UNC80: variants seen among roughly 807,000 people sequenced by gnomAD.
The protein encoded by UNC80 is protein unc-80 homolog.
UNC80 carries 164 observed loss-of-function variants against 384.6 expected under a neutral mutation model. That is an observed-to-expected ratio of 0.43 (90% CI 0.38 to 0.49). The LOEUF is 0.49. UNC80 is among the 20% of genes least tolerant of loss of function. The pLI, the probability that UNC80 is intolerant of heterozygous loss-of-function variation, is 0.00. For synonymous variants in UNC80, 1,486 were observed against 1,527.8 expected (o/e 0.97, Z 0.64); for missense variants, 3,330 against 4,143.0 (o/e 0.80, Z 5.39).
chr2:209,890,852 A>G (rs2086262099), intron 26 of UNC80, among the ~76,000 whole-genome samples: 2 of 152,256 alleles, frequency 1.3e-5, no homozygotes, highest in Admixed American at 6.5e-5. Flanking sequence ...TAGAATCCAC[A>G]TAGAAAATCC....
intron 18 of UNC80, among the ~76,000 whole-genome samples, chr2:209,837,734 TA>T (rs2081424454): frequency 6.6e-6 from 1 of 151,886 alleles, no homozygotes; most frequent in Non-Finnish European, 1.5e-5. Context: ...AGTTGACCAA[TA>T]AAAACTCAGT....
In UNC80 at chr2:209,888,270, C is replaced by A; in HGVS notation, c.4276+10C>A. Reference sequence around the variant, plus strand: ...GTCGAGGAGAAGAAAGGTATGGAAACACAAAGGTTCCTTCATGTTTCAGGG... The same window carrying A: ...GTCGAGGAGAAGAAAGGTATGGAAAAACAAAGGTTCCTTCATGTTTCAGGG... On this transcript the variant is annotated intron_variant, in intron 26 of 64. Transcript: ENST00000673920. The A allele has an allele frequency of 6.4e-7, 1 of 1,551,304 alleles. No homozygotes were observed. The highest frequency in any genetic ancestry group is 1.2e-5 in the South Asian group (1 of 84,034).
chr2:209,893,360 A>G (rs2086525868), intron 26 of UNC80, among the ~76,000 whole-genome samples: 1 of 152,240 alleles, frequency 6.6e-6, no homozygotes, highest in African/African-American at 2.4e-5. Flanking sequence ...GTATATGACT[A>G]TGGAAAATAA....
At chr2:209,947,416 T>C (rs1298870620) in intron 47 of UNC80, among the ~76,000 whole-genome samples, 1 of 152,222 alleles carries the variant, frequency 6.6e-6, no homozygotes, top group Admixed American at 6.5e-5. Flanking sequence ...AAATTTCCAT[T>C]GAGTCATAAA....
intron 36 of UNC80, among the ~76,000 whole-genome samples, chr2:209,927,206 G>C (rs764391594): frequency 6.6e-6 from 1 of 152,094 alleles, no homozygotes; most frequent in Non-Finnish European, 1.5e-5. Context: ...ATTTAAAATA[G>C]GTAATTGGGT....
chr2:209,919,087 T>C (rs1177883127), intron 33 of UNC80, among the ~76,000 whole-genome samples: 1 of 152,222 alleles, frequency 6.6e-6, no homozygotes, highest in Non-Finnish European at 1.5e-5. Flanking sequence ...TTCATTTTGT[T>C]GATTATCAGT....
At chr2:209,853,309 A>G (rs947581792) in intron 22 of UNC80, among the ~76,000 whole-genome samples, 1 of 152,122 alleles carries the variant, frequency 6.6e-6, no homozygotes, top group African/African-American at 2.4e-5. Flanking sequence ...ATGTCCTTAA[A>G]AATAGAATTT....
chr2:209,921,942 T>C (rs1174190296), intron 34 of UNC80, among the ~76,000 whole-genome samples: 1 of 152,184 alleles, frequency 6.6e-6, no homozygotes, highest in Non-Finnish European at 1.5e-5. Flanking sequence ...TTAAAGTAAA[T>C]GCAACCAATC....
chr2:209,872,302 T>C lies in UNC80; in HGVS notation c.3628-456T>C, dbSNP rs773722085. On this transcript the variant is annotated intron_variant, in intron 22 of 64. Coordinates refer to ENST00000673920, the MANE Select transcript of UNC80 (RefSeq NM_001371986.1). The surrounding 1 kb of genome is among the most constrained non-coding windows in gnomAD (Gnocchi z 4.1). ...GTTATAGACAAAAGACTATTGCTGGTACAAAATTACTTCTGACGCTCTTGG... is the reference window on the plus strand; with the variant it reads ...GTTATAGACAAAAGACTATTGCTGGCACAAAATTACTTCTGACGCTCTTGG... Among the ~76,000 whole-genome samples the C allele has an allele frequency of 6.6e-6, 1 of 152,200 alleles. No individual in the cohort carries two copies. Among genetic ancestry groups the C allele is most frequent in the Admixed American group, 6.5e-5 (1 of 15,276 alleles).
chr2:209,902,360 C>T (rs886871881), intron 28 of UNC80, among the ~76,000 whole-genome samples: 1 of 152,122 alleles, frequency 6.6e-6, no homozygotes, highest in Non-Finnish European at 1.5e-5. Flanking sequence ...AACATTATTG[C>T]AATGACAACA....
At chr2:209,922,064 C>T (rs575284063) in intron 34 of UNC80, among the ~76,000 whole-genome samples, 188 bp from the exon 35 acceptor site, 5 of 152,232 alleles carry the variant, frequency 3.3e-5, no homozygotes, top group East Asian at 1.9e-4. Flanking sequence ...GTAAAAACTT[C>T]GGGGGATATT....
chr2:209,881,774 C>T (rs1239335999), intron 25 of UNC80, among the ~76,000 whole-genome samples: 4 of 152,118 alleles, frequency 2.6e-5, no homozygotes, highest in Admixed American at 6.5e-5. Context: ...GCACGGGGCA[C>T]ACCTTGGAGT....
intron 61 of UNC80, among the ~76,000 whole-genome samples, chr2:209,989,339 A>G (rs1312689598): frequency 6.8e-6 from 1 of 147,854 alleles, no homozygotes. Flanking sequence ...AAAAAAAAAA[A>G]TTAGAAAACC....
intron 7 of UNC80, among the ~76,000 whole-genome samples, chr2:209,807,651 C>T (rs2078992736): frequency 6.6e-6 from 1 of 151,994 alleles, no homozygotes; most frequent in East Asian, 1.9e-4. Context: ...GCATGAGCCA[C>T]CACACCTGGC....
chr2:209,800,444 T>C (rs2078467082), intron 7 of UNC80, among the ~76,000 whole-genome samples: 1 of 151,844 alleles, frequency 6.6e-6, no homozygotes, highest in Non-Finnish European at 1.5e-5. Context: ...TTGATTCTTC[T>C]CTCTCTTCTT....
chr2:209,917,168 C>G (rs780891036), intron 31 of UNC80, among the ~76,000 whole-genome samples: 28 of 152,182 alleles, frequency 1.8e-4, no homozygotes, highest in Non-Finnish European at 7.3e-5. Flanking sequence ...GCTCCTCTAT[C>G]TGTGTTATAA....
At chr2:209,849,041 ACAATGCTGTAC>A (rs1274257764) in intron 21 of UNC80, among the ~76,000 whole-genome samples, 2 of 152,134 alleles carry the variant, frequency 1.3e-5, no homozygotes, top group African/African-American at 2.4e-5. Context: ...CACATTATAC[ACAATGCTGTAC>A]CAATGCTGTA....
chr2:209,906,016 C>T lies in UNC80; in HGVS notation c.4782+1051C>T, dbSNP rs113136358. 1.8e-3 allele frequency among the ~76,000 whole-genome samples: 272 copies of T among 152,164 alleles called. 1 individual carries two copies. The highest frequency in any genetic ancestry group is 6.3e-3 in the African/African-American group (261 of 41,500). On this transcript the variant is annotated intron_variant, in intron 29 of 64. Transcript: ENST00000673920. ...TTTATATAACACCTATTCATTTCAACGGGCATTTATTATGTGTCCTCTGTT... is the reference window on the plus strand; with the variant it reads ...TTTATATAACACCTATTCATTTCAATGGGCATTTATTATGTGTCCTCTGTT...
intron 23 of UNC80, among the ~76,000 whole-genome samples, chr2:209,876,270 T>C (rs2084775064): frequency 6.6e-6 from 1 of 152,222 alleles, no homozygotes; most frequent in Admixed American, 6.5e-5. Flanking sequence ...GTAATCTTTC[T>C]TATGTGGGCT....
Sources: gnomAD v4.1 joint callset for allele counts (sites outside exome capture counted in the v4.1 genomes callset) on GRCh38, gnomAD v4.1.1 for gene constraint, Gnocchi (gnomAD v3.1) non-coding constraint, MANE v1.5 for transcripts, NCBI Gene and HGNC (gene_info 2026-07-23, HGNC 2026-07-21) for gene names.